Variants in DAB1 observed in about 807,000 individuals in gnomAD.
The protein encoded by DAB1 is DAB adaptor protein 1, also known as disabled homolog 1.
Under a neutral mutation model 64.6 loss-of-function variants are expected in DAB1, and 15 were observed. The ratio of observed to expected loss-of-function variants is 0.23; its 90% confidence interval spans 0.16 to 0.36. DAB1 has a LOEUF of 0.36. Among genes scored for constraint, DAB1 ranks in the 10% least tolerant of loss-of-function variants. The pLI, the probability that DAB1 is intolerant of heterozygous loss-of-function variation, is 1.00. For synonymous variants in DAB1, 235 were observed against 251.9 expected, an observed-to-expected ratio of 0.93 and a Z score of 0.64; for missense variants, 596 against 706.7, an observed-to-expected ratio of 0.84 and a Z score of 1.78.
intron 6 of DAB1, among the ~76,000 whole-genome samples, chr1:57,752,685 G>A (rs544751646): frequency 6.6e-6 from 1 of 152,298 alleles, no homozygotes; most frequent in African/African-American, 2.4e-5. Context: ...GAGAGCCAGG[G>A]ATAATGATTC....
chr1:57,918,811 G>C (rs1202813), intron 5 of DAB1, among the ~76,000 whole-genome samples: 1 of 151,482 alleles, frequency 6.6e-6, no homozygotes, highest in African/African-American at 2.4e-5. Context: ...TCGACAGAGC[G>C]AGACTCCGTC....
intron 4 of DAB1, among the ~76,000 whole-genome samples, chr1:58,171,782 C>T (rs948505821): frequency 6.6e-6 from 1 of 152,218 alleles, no homozygotes; most frequent in African/African-American, 2.4e-5. Context: ...GGATGATTTA[C>T]TTTTGGCTGC....
chr1:58,157,519 T>C (rs777535035), intron 4 of DAB1, among the ~76,000 whole-genome samples: 1 of 152,184 alleles, frequency 6.6e-6, no homozygotes, highest in Non-Finnish European at 1.5e-5. Context: ...AGTCACTGGA[T>C]TTGGGTGGCT....
intron 4 of DAB1, among the ~76,000 whole-genome samples, chr1:58,177,979 G>C (rs1471556123): frequency 6.6e-6 from 1 of 152,176 alleles, no homozygotes; most frequent in Admixed American, 6.5e-5. Context: ...TCATAAATAT[G>C]CCCTCCTCCC....
At chr1:58,480,869 T>C (rs1645468132) in intron 3 of DAB1, 1 of 673,468 alleles carries the variant, frequency 1.5e-6, no homozygotes, top group African/African-American at 1.8e-5. Context: ...TGAATATCCT[T>C]TTTTTTTTCA....
chr1:57,285,615 A>C (rs1326400105), intron 2 of DAB1, among the ~76,000 whole-genome samples: 1 of 152,160 alleles, frequency 6.6e-6, no homozygotes, highest in South Asian at 2.1e-4. Context: ...ACACACACAT[A>C]AAAATACACA....
chr1:57,149,175 A>G (rs1257772414), intron 2 of DAB1, among the ~76,000 whole-genome samples: 1 of 152,168 alleles, frequency 6.6e-6, no homozygotes, highest in African/African-American at 2.4e-5. Context: ...AGCATGTATC[A>G]GTAATGCTTT....
At chr1:57,019,169 C>G (rs1224068331) in intron 11 of DAB1, among the ~76,000 whole-genome samples, 2 of 152,184 alleles carry the variant, frequency 1.3e-5, no homozygotes, top group African/African-American at 2.4e-5. Flanking sequence ...ACTCTTTATT[C>G]TCTCTCTCTT....
chr1:57,944,446 A>G (rs1252187743), intron 5 of DAB1, among the ~76,000 whole-genome samples: 2 of 152,184 alleles, frequency 1.3e-5, no homozygotes, highest in Admixed American at 6.5e-5. Context: ...CTTCACATGT[A>G]TATGTCCCAC....
intron 2 of DAB1, among the ~76,000 whole-genome samples, chr1:57,163,817 G>C (rs541787925): frequency 1.3e-5 from 2 of 152,258 alleles, no homozygotes; most frequent in South Asian, 4.1e-4. Flanking sequence ...CTGGGTTTTG[G>C]CTTGAGCACC....
intron 2 of DAB1, among the ~76,000 whole-genome samples, chr1:58,518,927 A>G (rs887187299): frequency 1.2e-4 from 19 of 152,214 alleles, no homozygotes; most frequent in Non-Finnish European, 2.4e-4. Context: ...AAGTTGAGGC[A>G]CAAAAAGGAT....
rs80007019 is a variant in DAB1 at position 58,235,055 on chromosome 1, C to A, written n.310-84467G>T. 5.7e-3 allele frequency among the ~76,000 whole-genome samples: 867 copies of A among 152,332 alleles called. 22 individuals are homozygous for A. The East Asian group carries it at 0.077, about 13-fold the overall frequency. Reference sequence around the variant, plus strand: ...TGTCTCTAATTAGTGTAATACTGGACAAGTTAATCCGGCCCCTCGCCACAC... The same window carrying A: ...TGTCTCTAATTAGTGTAATACTGGAAAAGTTAATCCGGCCCCTCGCCACAC... On this transcript the variant is annotated intron_variant and non_coding_transcript_variant, in intron 4 of 20. Coordinates refer to the DAB1 transcript ENST00000485760.
At chr1:57,542,766 G>A (rs1426227042) in intron 7 of DAB1, among the ~76,000 whole-genome samples, 1 of 152,220 alleles carries the variant, frequency 6.6e-6, no homozygotes, top group African/African-American at 2.4e-5. Context: ...GCTGCTGCTA[G>A]TATTCATATT....
At chr1:57,605,245 A>C (rs1645622420) in intron 7 of DAB1, among the ~76,000 whole-genome samples, 1 of 152,198 alleles carries the variant, frequency 6.6e-6, no homozygotes, top group South Asian at 2.1e-4. Context: ...CTGTCTTCCC[A>C]GTAGATTGTG....
At chr1:58,255,789 T>C (rs1660915698) in intron 4 of DAB1, among the ~76,000 whole-genome samples, 1 of 152,302 alleles carries the variant, frequency 6.6e-6, no homozygotes, top group South Asian at 2.1e-4. Context: ...AGGCATCTAA[T>C]GTGGTGACAG....
At chr1:57,414,300 T>C (rs1215654501) in intron 1 of DAB1, among the ~76,000 whole-genome samples, 1 of 152,234 alleles carries the variant, frequency 6.6e-6, no homozygotes, top group Non-Finnish European at 1.5e-5. Context: ...TACTTCAATC[T>C]TCAGTAACCA....
intron 7 of DAB1, among the ~76,000 whole-genome samples, chr1:57,463,224 T>C (rs969999115): frequency 1.3e-5 from 2 of 152,164 alleles, no homozygotes; most frequent in Non-Finnish European, 2.9e-5. Flanking sequence ...CAATCTCCCA[T>C]GTGGAACAGG....
chr1:58,067,306 G>A (rs1333358858), intron 5 of DAB1, among the ~76,000 whole-genome samples: 2 of 152,212 alleles, frequency 1.3e-5, no homozygotes, highest in Non-Finnish European at 2.9e-5. Flanking sequence ...TGAGGCATTC[G>A]TCTAATGCTG....
At chr1:57,648,448 A>G (rs1646219390) in intron 7 of DAB1, among the ~76,000 whole-genome samples, 1 of 152,208 alleles carries the variant, frequency 6.6e-6, no homozygotes, top group Admixed American at 6.5e-5. Context: ...AACCTCCTCC[A>G]CTATAGAAAC....
Sources: gnomAD v4.1 joint callset for allele counts (sites outside exome capture counted in the v4.1 genomes callset) on GRCh38, gnomAD v4.1.1 for gene constraint, MANE v1.5 for transcripts, NCBI Gene and HGNC (gene_info 2026-07-23, HGNC 2026-07-21) for gene names.